COL10A1: variants seen among roughly 807,000 people sequenced by gnomAD.
The protein encoded by COL10A1 is collagen alpha-1(X) chain.
Under a neutral mutation model 18.2 loss-of-function variants are expected in COL10A1, and 10 were observed. That is an observed-to-expected ratio of 0.55 (90% confidence interval 0.34 to 0.93). COL10A1 has a LOEUF of 0.93. COL10A1 is among the 40% of genes least tolerant of loss of function. The probability of loss-of-function intolerance (pLI) is 0.02; values close to 1 mark genes in which losing one functional copy is unlikely to be tolerated. For missense variants in COL10A1, 897 were observed against 853.5 expected, an observed-to-expected ratio of 1.05 and a Z score of -0.64; for synonymous variants, 330 against 316.6, an observed-to-expected ratio of 1.04 and a Z score of -0.45.
chr6:116,197,450 G>A, the COL10A1 span, among the ~76,000 whole-genome samples: 15,287 of 151,838 alleles, frequency 0.1, 1,265 homozygotes, highest in African/African-American at 0.23. Flanking sequence ...GAATCTTCCC[G>A]GTCAAGAATC....
intron 1 of COL10A1, among the ~76,000 whole-genome samples, chr6:116,150,579 C>T (rs1399405925): frequency 6.6e-6 from 1 of 152,184 alleles, no homozygotes; most frequent in East Asian, 1.9e-4. Context: ...GTCACTGCAC[C>T]TGGCCTTGAA....
At chr6:116,168,998 C>T in the COL10A1 span, among the ~76,000 whole-genome samples, 1 of 152,144 alleles carries the variant, frequency 6.6e-6, no homozygotes, top group Non-Finnish European at 1.5e-5. Flanking sequence ...CTAATAAACC[C>T]TGGAGAGTTT....
the COL10A1 span, among the ~76,000 whole-genome samples, chr6:116,201,539 G>A: frequency 6.6e-6 from 1 of 152,030 alleles, no homozygotes; most frequent in Non-Finnish European, 1.5e-5. Flanking sequence ...GAGAACTTCA[G>A]TGAGGTGAGC....
At chr6:116,155,962 G>T (rs1470675095) in intron 1 of COL10A1, among the ~76,000 whole-genome samples, 1 of 152,058 alleles carries the variant, frequency 6.6e-6, no homozygotes, top group African/African-American at 2.4e-5. Context: ...AGGCTTTAGG[G>T]TTGGGAATGG....
At chr6:116,213,136 A>G in the COL10A1 span, among the ~76,000 whole-genome samples, 1 of 152,100 alleles carries the variant, frequency 6.6e-6, no homozygotes, top group African/African-American at 2.4e-5. Flanking sequence ...AAAACTCAGT[A>G]TCATGTCACT....
chr6:116,168,612 T>G, the COL10A1 span, among the ~76,000 whole-genome samples: 1 of 152,144 alleles, frequency 6.6e-6, no homozygotes, highest in Non-Finnish European at 1.5e-5. Flanking sequence ...TGTCGTGTAT[T>G]TTCCCCCTTT....
the COL10A1 span, among the ~76,000 whole-genome samples, chr6:116,176,743 A>G: frequency 2.0e-5 from 3 of 152,158 alleles, no homozygotes; most frequent in Middle Eastern, 3.4e-3. Flanking sequence ...TTTCATTAGC[A>G]TGAAGAGTCT....
the COL10A1 span, among the ~76,000 whole-genome samples, chr6:116,176,154 C>T: frequency 0.12 from 17,615 of 152,142 alleles, 1,219 homozygotes; most frequent in East Asian, 0.26. Context: ...CTATGGTAGA[C>T]CATAGGCTTC....
intron 2 of COL10A1, among the ~76,000 whole-genome samples, chr6:116,124,193 A>T (rs1378054674): frequency 6.6e-6 from 1 of 152,124 alleles, no homozygotes; most frequent in Admixed American, 6.5e-5. Flanking sequence ...AGACAATTCT[A>T]TAAGTTTCAT....
the COL10A1 span, among the ~76,000 whole-genome samples, chr6:116,170,192 C>T: frequency 6.6e-6 from 1 of 152,054 alleles, no homozygotes; most frequent in African/African-American, 2.4e-5. Context: ...AGTGGAGAGA[C>T]AAAAGGAGTC....
the COL10A1 span, among the ~76,000 whole-genome samples, chr6:116,164,385 A>G: frequency 1.3e-5 from 2 of 152,048 alleles, no homozygotes; most frequent in Non-Finnish European, 1.5e-5. Context: ...AGTCTATTTT[A>G]TCTGACATAA....
intron 1 of COL10A1, among the ~76,000 whole-genome samples, chr6:116,154,642 C>T (rs536054370): frequency 6.8e-6 from 1 of 147,108 alleles, no homozygotes; most frequent in South Asian, 2.1e-4. Flanking sequence ...ATTTGGTAAA[C>T]TTACAGATTA....
intron 1 of COL10A1, among the ~76,000 whole-genome samples, chr6:116,156,460 A>G (rs1780196012): frequency 1.3e-5 from 2 of 152,320 alleles, no homozygotes; most frequent in African/African-American, 2.4e-5. Flanking sequence ...AGTCTGCCTC[A>G]TAAGGGATTA....
intron 1 of COL10A1, among the ~76,000 whole-genome samples, chr6:116,155,398 T>A (rs1780161588): frequency 6.6e-6 from 1 of 152,138 alleles, no homozygotes; most frequent in South Asian, 2.1e-4. Flanking sequence ...AACACAAACA[T>A]CTCTTTTGGA....
intron 1 of COL10A1, among the ~76,000 whole-genome samples, chr6:116,132,851 C>T (rs1779503552): frequency 6.6e-6 from 1 of 152,138 alleles, no homozygotes; most frequent in Non-Finnish European, 1.5e-5. Context: ...TGCTGTACCT[C>T]ATTCCTCTTG....
Position 116,148,583 on chromosome 6 carries a change from A to G in COL10A1, c.-16+10031T>C, listed in dbSNP as rs190100882. 6.8e-4 allele frequency among the ~76,000 whole-genome samples: 103 copies of G among 152,326 alleles called. No individual in the cohort carries two copies. In the East Asian group the frequency reaches 0.017, roughly 25 times the overall value. On this transcript the variant is annotated intron_variant, in intron 1 of 1. Coordinates refer to the COL10A1 transcript ENST00000418500. The stretch of plus-strand genomic sequence containing the variant: ...CATGTTAATTAATAGAAGTATTACT[A>G]TGATAACAGTTTATTATATGTATTT...
At chr6:116,144,218 A>C (rs1349663419) in intron 1 of COL10A1, among the ~76,000 whole-genome samples, 1 of 152,110 alleles carries the variant, frequency 6.6e-6, no homozygotes, top group East Asian at 1.9e-4. Context: ...AAAGTGTAAA[A>C]GGAGGCCAGG....
chr6:116,179,680 T>C, the COL10A1 span, among the ~76,000 whole-genome samples: 37 of 152,178 alleles, frequency 2.4e-4, no homozygotes, highest in African/African-American at 8.9e-4. Flanking sequence ...TTTGGCACTT[T>C]GATGACAGGA....
At chr6:116,185,365 A>T in the COL10A1 span, among the ~76,000 whole-genome samples, 1 of 152,082 alleles carries the variant, frequency 6.6e-6, no homozygotes. Context: ...TTCTGAAAAT[A>T]TCTGTTAAGT....
Sources: allele counts gnomAD v4.1 joint callset (sites outside exome capture counted in the v4.1 genomes callset), GRCh38; gene constraint gnomAD v4.1.1; transcripts MANE v1.5; gene names NCBI Gene and HGNC (gene_info 2026-07-23, HGNC 2026-07-21).